The following MROH2B variants were observed in gnomAD, a reference collection of about 807,000 sequenced individuals.
MROH2B encodes maestro heat-like repeat-containing protein family member 2B.
Under a neutral mutation model 208.6 loss-of-function variants are expected in MROH2B, and 177 were observed. That is an observed-to-expected ratio of 0.85 (90% CI 0.75 to 0.96). MROH2B has a LOEUF of 0.96. Among genes scored for constraint, MROH2B ranks in the 40% least tolerant of loss-of-function variants. The pLI is 0.00. For synonymous variants in MROH2B, 728 were observed against 659.0 expected, an observed-to-expected ratio of 1.10 and a Z score of -1.60; for missense variants, 2,002 against 1,878.7, an observed-to-expected ratio of 1.07 and a Z score of -1.21.
chr5:41,064,484 TC>T lies in MROH2B; in HGVS notation c.447del (p.Thr150LeufsTer44). ...TCGGGATACCCACCAATACAGAAAG[TC>T]CCCTTCATCCTTTCATCCTCGGCCA... ...LRLAEDERMK[G>X]TFCIALEKFS... On this transcript the variant is annotated frameshift_variant, in exon 5 of 42. Transcript: ENST00000399564. LOFTEE classifies it high-confidence loss of function. The T allele has an allele frequency of 6.2e-7, 1 of 1,613,000 alleles. No homozygotes were observed. The highest frequency in any genetic ancestry group is 2.2e-5 in the East Asian group (1 of 44,870).
chr5:41,042,193 C>A lies in MROH2B; in HGVS notation c.1852G>T (p.Ala618Ser), dbSNP rs371442165. The A allele has an allele frequency of 2.5e-5, 40 of 1,571,452 alleles. No homozygotes were observed. The highest frequency in any genetic ancestry group is 2.7e-5 in the Non-Finnish European group (31 of 1,155,164). The change falls in exon 19 of 42, where the codon GCC becomes TCC. Residue 618 changes from alanine (A) to serine (S), a missense_variant. Transcript: ENST00000399564. The part of the protein sequence containing the change: ...NSTEKKFLWK[A>S]LGTTLACCQD... ...CAGCATGCTAAGGTGGTTCCCAAGG[C>A]TTTCCAAAGGAATTTCTGGAAAACA...
At chr5:41,010,686 C>T (rs1473505868) in intron 30 of MROH2B, among the ~76,000 whole-genome samples, 1 of 152,192 alleles carries the variant, frequency 6.6e-6, no homozygotes, top group African/African-American at 2.4e-5. Context: ...TGATCTTATA[C>T]TGGTGGATAC....
rs376573438 is a variant in MROH2B, at chr5:41,039,805, A to G, written c.1954-250T>C. On this transcript the variant is annotated intron_variant, in intron 19 of 41. Transcript: ENST00000399564. ...ATATACAGTGTGCCAGATGGTGATGAGTGCTATGAAGATAAGTAAAGCAGG... is the reference window on the plus strand; with the variant it reads ...ATATACAGTGTGCCAGATGGTGATGGGTGCTATGAAGATAAGTAAAGCAGG... Among the ~76,000 whole-genome samples the G allele has an allele frequency of 1.4e-3, 214 of 152,312 alleles. 1 individual carries two copies. The highest frequency in any genetic ancestry group is 5.1e-3 in the African/African-American group (210 of 41,574).
intron 4 of MROH2B, 135 bp from the exon 5 acceptor site, chr5:41,064,705 T>C (rs934466579): frequency 5.1e-6 from 3 of 583,744 alleles, no homozygotes; most frequent in Admixed American, 5.7e-5. Context: ...GATGTTTCTA[T>C]AATTCCGCCA....
At chr5:41,063,455 G>A (rs951263337) in intron 5 of MROH2B, among the ~76,000 whole-genome samples, 1 of 152,166 alleles carries the variant, frequency 6.6e-6, no homozygotes, top group African/African-American at 2.4e-5. Flanking sequence ...ATCTCATGTG[G>A]TTGCTGTGAG....
At chr5:41,002,788 G>A (rs1019884332) in intron 37 of MROH2B, among the ~76,000 whole-genome samples, 1 of 152,082 alleles carries the variant, frequency 6.6e-6, no homozygotes, top group African/African-American at 2.4e-5. Context: ...GTGGACTTGT[G>A]ATTTACTGGA....
At chr5:41,054,957 C>T (rs1464119641) in intron 10 of MROH2B, 117 bp from the exon 11 acceptor site, 1 of 640,980 alleles carries the variant, frequency 1.6e-6, no homozygotes, top group Non-Finnish European at 2.5e-6. Context: ...TTGTTTTTAA[C>T]AACCTATTTG....
intron 5 of MROH2B, among the ~76,000 whole-genome samples, chr5:41,063,658 T>G (rs946413537): frequency 6.6e-6 from 1 of 152,120 alleles, no homozygotes; most frequent in Non-Finnish European, 1.5e-5. Flanking sequence ...TACAAAATAG[T>G]AGTGTTAGGT....
intron 19 of MROH2B, among the ~76,000 whole-genome samples, chr5:41,041,602 T>G (rs1447954343): frequency 1.3e-5 from 2 of 152,092 alleles, no homozygotes; most frequent in African/African-American, 4.8e-5. Flanking sequence ...CCACCCCGGG[T>G]GACAGAGCGA....
intron 39 of MROH2B, chr5:40,999,986 G>T (rs967824092): frequency 2.9e-6 from 2 of 686,702 alleles, no homozygotes; most frequent in Non-Finnish European, 4.8e-6. Context: ...CAACAGATAT[G>T]AATTTTAGGA....
intron 19 of MROH2B, among the ~76,000 whole-genome samples, chr5:41,040,892 C>G (rs1312662764): frequency 6.6e-6 from 1 of 152,044 alleles, no homozygotes; most frequent in Non-Finnish European, 1.5e-5. Context: ...GTCTCGAACT[C>G]CTGACCTCGT....
chr5:41,018,292 C>T (rs1424940656), intron 27 of MROH2B, 49 bp downstream of exon 27: 2 of 1,523,160 alleles, frequency 1.3e-6, no homozygotes, highest in South Asian at 1.2e-5. Context: ...CTCAGAGATC[C>T]CTGCTGTTCA....
Position 41,070,869 on chromosome 5 carries a change from G to A in MROH2B, c.-17C>T. The A allele has an allele frequency of 6.2e-7, 1 of 1,609,476 alleles. No individual in the cohort carries two copies. On this transcript the variant is annotated 5_prime_UTR_variant, in exon 1 of 42. Coordinates refer to ENST00000399564, the MANE Select transcript of MROH2B (RefSeq NM_173489.5). ...AAGTGTCATGTCTTGGCTGTTTCAG[G>A]GTCTCTAAAAGATAGCACCTAAGTA...
rs760090095 is a variant in MROH2B, at chr5:41,049,279, C to T, written c.1501+1G>A. On this transcript the variant is annotated splice_donor_variant, in intron 14 of 41. Coordinates refer to ENST00000399564, the MANE Select transcript of MROH2B (RefSeq NM_173489.5). LOFTEE classifies it high-confidence loss of function. ...TTTTCTGTGTTTATGAATGTACAGA[C>T]CAGCTCCTGTAGAGACGACAAGTGC... 1.9e-6 allele frequency: 3 copies of T among 1,612,882 alleles called. No individual in the cohort carries two copies. Among genetic ancestry groups the T allele is most frequent in the South Asian group, 2.2e-5 (2 of 90,954 alleles).
chr5:41,041,610 C>A (rs116118370), intron 19 of MROH2B, among the ~76,000 whole-genome samples: 1 of 151,980 alleles, frequency 6.6e-6, no homozygotes, highest in Non-Finnish European at 1.5e-5. Context: ...GGTGACAGAG[C>A]GACACTCTGT....
intron 9 of MROH2B, among the ~76,000 whole-genome samples, chr5:41,056,774 CAAA>C (rs34263761): frequency 6.1e-5 from 7 of 114,736 alleles, no homozygotes; most frequent in African/African-American, 1.3e-4. Flanking sequence ...TCTCAAATAC[CAAA>C]AAAAAAAAAA....
At chr5:41,032,977 A>T in intron 23 of MROH2B, 64 bp downstream of exon 23, 1 of 1,597,790 alleles carries the variant, frequency 6.3e-7, no homozygotes, top group East Asian at 2.2e-5. Flanking sequence ...TTTTAAAAAG[A>T]TAGCCCTGAA....
chr5:41,059,977 T>G (rs1393725308), intron 6 of MROH2B, among the ~76,000 whole-genome samples: 2 of 152,208 alleles, frequency 1.3e-5, no homozygotes, highest in Middle Eastern at 3.2e-3. Context: ...TATCTCCACT[T>G]GACTGTACCA....
In MROH2B at chr5:41,064,536, C is replaced by T. The variant is rs1458974807; in HGVS notation, c.396G>A (p.Leu132=). The T allele has an allele frequency of 1.2e-6, 2 of 1,613,316 alleles. No homozygotes were observed. Among genetic ancestry groups the T allele is most frequent in the Non-Finnish European group, 1.7e-6 (2 of 1,179,528 alleles). Residue 132 remains leucine (L), a synonymous_variant, in exon 5 of 42, where the codon CTG becomes CTA. Transcript: ENST00000399564. ...GCCTGAGCATGGTTTGCATGGTGAG[C>T]AGGGTCATCATCATGAAAGGAATAC... is the stretch of plus-strand genomic sequence containing the variant. The part of the protein sequence containing the change: ...SQSIPFMMMT[L]LTMQTMLRLA...
Sources: gnomAD v4.1 joint callset for allele counts (sites outside exome capture counted in the v4.1 genomes callset) on GRCh38, gnomAD v4.1.1 for gene constraint, MANE v1.5 for transcripts, NCBI Gene and HGNC (gene_info 2026-07-23, HGNC 2026-07-21) for gene names.